STRN3: variants seen among roughly 807,000 people sequenced by gnomAD.
The protein encoded by STRN3 is striatin 3.
A neutral mutation model predicts 95.6 loss-of-function variants in STRN3; 29 were observed. That is an observed-to-expected ratio of 0.30 (90% confidence interval 0.23 to 0.41). STRN3 has a LOEUF of 0.41. STRN3 is among the 10% of genes least tolerant of loss of function. The pLI is 1.00. For synonymous variants in STRN3, 331 were observed against 357.6 expected (o/e 0.93, Z 0.84); for missense variants, 890 against 972.1 (o/e 0.92, Z 1.12).
chr14:30,921,065 T>TACACACACACACACACACAC (rs1374593800), intron 8 of STRN3, among the ~76,000 whole-genome samples: 2 of 89,196 alleles, frequency 2.2e-5, no homozygotes, highest in African/African-American at 7.7e-5. Context: ...TTTCTACACA[T>TACACACACACACACACACAC]ACATATACAC....
chr14:30,937,842 C>A (rs1878897804), intron 5 of STRN3, among the ~76,000 whole-genome samples: 1 of 152,096 alleles, frequency 6.6e-6, no homozygotes, highest in South Asian at 2.1e-4. Context: ...TTTTGCCCCC[C>A]TCTCTGACTG....
At chr14:30,982,296 T>C (rs1881449947) in intron 1 of STRN3, among the ~76,000 whole-genome samples, 1 of 152,074 alleles carries the variant, frequency 6.6e-6, no homozygotes. Context: ...GTTTAAAGCA[T>C]AATAGAGATA....
intron 1 of STRN3, among the ~76,000 whole-genome samples, chr14:31,013,779 C>CG (rs55893038): frequency 0.13 from 19,172 of 147,820 alleles, 1,409 homozygotes; most frequent in Middle Eastern, 0.2. Flanking sequence ...TCTGTAGAAA[C>CG]GGGGGGGGTC....
chr14:31,009,173 C>T (rs1031410317), intron 1 of STRN3, among the ~76,000 whole-genome samples: 1 of 151,810 alleles, frequency 6.6e-6, no homozygotes, highest in Non-Finnish European at 1.5e-5. Context: ...ATATACATCC[C>T]AACAATTATT....
intron 16 of STRN3, among the ~76,000 whole-genome samples, chr14:30,898,559 C>T (rs1896219619): frequency 6.6e-6 from 1 of 152,138 alleles, no homozygotes; most frequent in Admixed American, 6.5e-5. Flanking sequence ...TTCAGATGGA[C>T]CATGAATAGA....
At position 30,894,822 on chromosome 14, in the gene STRN3, T is replaced by C. The variant is rs1451239505; in HGVS notation, c.*589A>G. On this transcript the variant is annotated 3_prime_UTR_variant, in exon 18 of 18. Transcript: ENST00000357479. ...CAGGCTAAATATATAAAAAGACTTATAAAAACTAGAATTTTATCCAAACAT... is the reference window on the plus strand; with the variant it reads ...CAGGCTAAATATATAAAAAGACTTACAAAAACTAGAATTTTATCCAAACAT... The C allele has an allele frequency of 1.4e-5, 6 of 429,652 alleles. No homozygotes were observed. The highest frequency in any genetic ancestry group is 6.6e-5 in the African/African-American group (3 of 45,740). The allele number at this position is 429,652 out of a possible 1,614,324, so 26.6% of individuals were successfully genotyped here.
At chr14:30,980,532 C>T (rs111429472) in intron 1 of STRN3, among the ~76,000 whole-genome samples, 14,298 of 151,856 alleles carry the variant, frequency 0.094, 723 homozygotes, top group Middle Eastern at 0.12. Flanking sequence ...CTCAGCCTCC[C>T]GAGTTGCTGG....
intron 1 of STRN3, among the ~76,000 whole-genome samples, chr14:31,021,841 G>T (rs1404588754): frequency 6.6e-6 from 1 of 152,150 alleles, no homozygotes; most frequent in Admixed American, 6.5e-5. Context: ...AAGCGAAAAG[G>T]CAGACTACAG....
At chr14:30,939,265 T>A (rs1190834827) in intron 5 of STRN3, among the ~76,000 whole-genome samples, 4 of 152,116 alleles carry the variant, frequency 2.6e-5, no homozygotes, top group African/African-American at 9.7e-5. Context: ...TAGTCCAGAA[T>A]AAAAGGGCAA....
chr14:31,014,806 A>AC (rs1883162541), intron 1 of STRN3: 1 of 418,594 alleles, frequency 2.4e-6, no homozygotes, highest in Admixed American at 3.6e-5. Flanking sequence ...AGAACACAAA[A>AC]CCACTTTAAA....
chr14:31,013,936 T>TATTATTATTATTATTATTATTATTA (rs1883114941), intron 1 of STRN3, among the ~76,000 whole-genome samples: 5 of 149,256 alleles, frequency 3.3e-5, no homozygotes, highest in African/African-American at 1.2e-4. Context: ...AGAGTGTCAG[T>TATTATTATTATTATTATTATTATTA]CTATTGACCA....
intron 16 of STRN3, among the ~76,000 whole-genome samples, chr14:30,901,430 C>T (rs1370468012): frequency 6.6e-6 from 1 of 152,134 alleles, no homozygotes; most frequent in Non-Finnish European, 1.5e-5. Flanking sequence ...AAAAGGGTCT[C>T]ATTGTTAAGA....
intron 10 of STRN3, among the ~76,000 whole-genome samples, chr14:30,913,221 T>C (rs1310570513): frequency 6.6e-6 from 1 of 152,212 alleles, no homozygotes; most frequent in Non-Finnish European, 1.5e-5. Context: ...ATTTTTTTTC[T>C]TGTTAACACC....
At chr14:31,025,760 G>T in intron 1 of STRN3, 144 bp downstream of exon 1, 1 of 1,144,208 alleles carries the variant, frequency 8.7e-7, no homozygotes, top group Non-Finnish European at 1.2e-6. Context: ...AAGCCGTTGA[G>T]AGGACCATCA....
At chr14:30,979,508 A>G (rs893520142) in intron 1 of STRN3, among the ~76,000 whole-genome samples, 22 of 152,238 alleles carry the variant, frequency 1.4e-4, no homozygotes, top group African/African-American at 5.3e-4. Flanking sequence ...TTGATAATTT[A>G]GGGTAACAAA....
rs1378202495 is a variant in STRN3 at position 30,894,590 on chromosome 14, T to G, written c.*821A>C. ...TGGAGTACTAAACCCCACTGTTTCA[T>G]TTTAATACACTTAATAGTCCTTGGT... On this transcript the variant is annotated 3_prime_UTR_variant, in exon 18 of 18. Coordinates refer to ENST00000357479, the MANE Select transcript of STRN3 (RefSeq NM_001083893.2). 6.5e-6 allele frequency: 1 copy of G among 153,392 alleles called. No homozygotes were observed. Among genetic ancestry groups the G allele is most frequent in the African/African-American group, 2.4e-5 (1 of 41,458 alleles). 9.5% of individuals were successfully genotyped at this position (153,392 alleles called of 1,614,324 possible).
At chr14:30,910,909 A>C in intron 13 of STRN3, 132 bp downstream of exon 13, 1 of 995,702 alleles carries the variant, frequency 1.0e-6, no homozygotes, top group South Asian at 2.3e-5. Context: ...TAATAAAGCA[A>C]TTTATTAGCA....
chr14:30,942,595 A>G (rs1879147095), intron 5 of STRN3, among the ~76,000 whole-genome samples: 1 of 152,210 alleles, frequency 6.6e-6, no homozygotes, highest in Non-Finnish European at 1.5e-5. Flanking sequence ...AAAGGTAAAT[A>G]AGACCAATTA....
At chr14:30,959,384 A>G (rs1317926251) in intron 1 of STRN3, among the ~76,000 whole-genome samples, 1 of 152,180 alleles carries the variant, frequency 6.6e-6, no homozygotes, top group Non-Finnish European at 1.5e-5. Flanking sequence ...AACCAAAAAT[A>G]CATGGAAGAG....
Sources: allele counts gnomAD v4.1 joint callset (sites outside exome capture counted in the v4.1 genomes callset), GRCh38; gene constraint gnomAD v4.1.1; transcripts MANE v1.5; gene names NCBI Gene and HGNC (gene_info 2026-07-23, HGNC 2026-07-21).